OSBPL10: variants seen among roughly 807,000 people sequenced by gnomAD.
The protein encoded by OSBPL10 is oxysterol binding protein like 10.
In OSBPL10, 49 loss-of-function variants were observed where a neutral mutation model predicts 81.7. The observed-to-expected ratio is 0.60, with a 90% CI of 0.48 to 0.76. OSBPL10 has a LOEUF of 0.76. Ranked by LOEUF, OSBPL10 falls within the 30% of genes least tolerant of loss-of-function variation. The probability of loss-of-function intolerance (pLI) is 0.00; values close to 1 mark genes in which losing one functional copy is unlikely to be tolerated. For missense variants in OSBPL10, 923 were observed against 987.8 expected, an observed-to-expected ratio of 0.93 and a Z score of 0.88; for synonymous variants, 419 against 383.6, an observed-to-expected ratio of 1.09 and a Z score of -1.08.
At chr3:31,926,657 CCTGAA>C (rs1356623975) in intron 1 of OSBPL10, among the ~76,000 whole-genome samples, 3 of 152,280 alleles carry the variant, frequency 2.0e-5, no homozygotes, top group African/African-American at 7.2e-5. Flanking sequence ...GCTGTGGACG[CCTGAA>C]CTGGTCTGAA....
In OSBPL10 at chr3:31,879,787, C is replaced by A; in HGVS notation, c.325G>T (p.Val109Leu). The A allele has an allele frequency of 6.2e-7, 1 of 1,614,144 alleles. No individual in the cohort carries two copies. Among genetic ancestry groups the A allele is most frequent in the Admixed American group, 1.7e-5 (1 of 59,998 alleles). The change falls in exon 2 of 12, where the codon GTG (valine) becomes TTG (leucine). Residue 109 changes from valine (V) to leucine (L), a missense_variant. Coordinates refer to ENST00000396556, the MANE Select transcript of OSBPL10 (RefSeq NM_017784.5). ...TTCTGGTGTTTGCTTTGCTCATTCA[C>A]AAAATACTGCAGGATGCCAGCCTCG... The part of the protein sequence containing the change: ...DFEAGILQYF[V>L]NEQSKHQKPR...
intron 4 of OSBPL10, among the ~76,000 whole-genome samples, chr3:31,805,203 C>G (rs932272515): frequency 3.9e-5 from 6 of 152,094 alleles, no homozygotes; most frequent in Non-Finnish European, 5.9e-5. Flanking sequence ...TTGAGATGAA[C>G]CTTTAAAACA....
intron 8 of OSBPL10, among the ~76,000 whole-genome samples, chr3:31,671,635 A>G (rs1700326018): frequency 2.0e-5 from 3 of 151,586 alleles, no homozygotes; most frequent in South Asian, 4.1e-4. Flanking sequence ...TAGGAAAGAC[A>G]TCTGCCAAGA....
At chr3:32,074,357 C>A (rs1268041821) in intron 1 of OSBPL10, among the ~76,000 whole-genome samples, 1 of 152,170 alleles carries the variant, frequency 6.6e-6, no homozygotes, top group Non-Finnish European at 1.5e-5. Flanking sequence ...CTCCTTTATG[C>A]ATCTCTCGAC....
intron 1 of OSBPL10, among the ~76,000 whole-genome samples, chr3:31,888,751 T>C (rs1017295442): frequency 1.3e-5 from 2 of 151,988 alleles, no homozygotes; most frequent in East Asian, 3.9e-4. Flanking sequence ...TGAAACCCCA[T>C]CTCTACTAAA....
intron 1 of OSBPL10, among the ~76,000 whole-genome samples, chr3:31,936,852 A>G (rs1559524776): frequency 2.0e-5 from 3 of 152,216 alleles, no homozygotes; most frequent in Non-Finnish European, 4.4e-5. Context: ...ACCAGACATG[A>G]CTTATCACAC....
chr3:31,986,280 A>G (rs2125515638), upstream of OSBPL10: 1 of 152,362 alleles, frequency 6.6e-6, no homozygotes, highest in South Asian at 2.1e-4. Flanking sequence ...CAGAAACTCA[A>G]AGAGGAGGAG....
chr3:31,904,898 C>A (rs1218141055), intron 1 of OSBPL10, among the ~76,000 whole-genome samples: 1 of 152,124 alleles, frequency 6.6e-6, no homozygotes, highest in Non-Finnish European at 1.5e-5. Context: ...AGTTATGAGG[C>A]AGAGCTGAGG....
intron 1 of OSBPL10, among the ~76,000 whole-genome samples, chr3:31,885,573 G>A (rs1175114521): frequency 1.3e-5 from 2 of 152,068 alleles, no homozygotes; most frequent in Non-Finnish European, 2.9e-5. Context: ...GTTTCATTAA[G>A]GTTCAACTTT....
chr3:31,740,674 G>A (rs1299693754), intron 5 of OSBPL10, among the ~76,000 whole-genome samples: 1 of 151,884 alleles, frequency 6.6e-6, no homozygotes, highest in Non-Finnish European at 1.5e-5. Flanking sequence ...GACTGAGGCA[G>A]GAGGATTGGT....
At position 31,932,780 on chromosome 3, in the gene OSBPL10, T is replaced by G. The variant is rs150581278; in HGVS notation, c.281+48119A>C. ...TGAAAACAATGAAGTATGTCAATAT[T>G]TTAATAGTTGTAACATTTTATCCAT... is the stretch of plus-strand genomic sequence containing the variant. On this transcript the variant is annotated intron_variant, in intron 1 of 11. Coordinates refer to ENST00000396556, the MANE Select transcript of OSBPL10 (RefSeq NM_017784.5). 3.4e-3 allele frequency among the ~76,000 whole-genome samples: 515 copies of G among 152,192 alleles called. 2 individuals carry two copies. Among genetic ancestry groups the G allele is most frequent in the Middle Eastern group, 0.02 (6 of 294 alleles).
At chr3:31,777,012 C>T (rs745601058) in intron 4 of OSBPL10, among the ~76,000 whole-genome samples, 2 of 152,134 alleles carry the variant, frequency 1.3e-5, no homozygotes, top group African/African-American at 4.8e-5. Context: ...ATTCTTTACC[C>T]ATCTCAAGAT....
chr3:31,661,852 G>T lies in OSBPL10; in HGVS notation c.*220C>A, dbSNP rs768585415. On this transcript the variant is annotated 3_prime_UTR_variant, in exon 12 of 12. Transcript: ENST00000396556. ...ATAGTGCATGTGTGTGAACGTATACGGTGTGTACACACACGTGCCCCGAAT... is the reference window on the plus strand; with the variant it reads ...ATAGTGCATGTGTGTGAACGTATACTGTGTGTACACACACGTGCCCCGAAT... 3.9e-4 allele frequency: 205 copies of T among 531,248 alleles called. No homozygotes were observed. Among genetic ancestry groups the T allele is most frequent in the Non-Finnish European group, 5.7e-4 (176 of 309,754 alleles). The allele number at this position is 531,248 out of a possible 1,614,324, so 32.9% of individuals were successfully genotyped here. A position where few individuals can be genotyped will look rare whatever the true frequency, so the allele number is the denominator to read the frequency against.
At position 31,698,693 on chromosome 3, in the gene OSBPL10, AC is replaced by A. The variant is rs958270298; in HGVS notation, c.1245+3665del. Among the ~76,000 whole-genome samples the A allele has an allele frequency of 4.6e-5, 7 of 151,812 alleles. 2 individuals are homozygous for A. The highest frequency in any genetic ancestry group is 2.0e-4 in the Admixed American group (3 of 15,244). ...ACAAGGTCCATCTTGGGCCTTTTTC[AC>A]CCCCATCCCCTCCGGCCAGAACACT... On this transcript the variant is annotated intron_variant, in intron 7 of 11. Transcript: ENST00000396556.
intron 8 of OSBPL10, among the ~76,000 whole-genome samples, chr3:31,671,689 G>A (rs1700326870): frequency 6.6e-6 from 1 of 152,182 alleles, no homozygotes; most frequent in Admixed American, 6.5e-5. Context: ...TCCAGAGAAA[G>A]GGTTCTCCAA....
chr3:31,903,317 T>C (rs748833709), intron 1 of OSBPL10, among the ~76,000 whole-genome samples: 27 of 141,540 alleles, frequency 1.9e-4, no homozygotes, highest in Non-Finnish European at 3.6e-4. Context: ...CCTTGTTTTG[T>C]TTTGCTTTTT....
chr3:32,048,378 G>A (rs13321871), intron 1 of OSBPL10, among the ~76,000 whole-genome samples: 4,000 of 147,068 alleles, frequency 0.027, 175 homozygotes, highest in African/African-American at 0.093. Flanking sequence ...CACGATCTCC[G>A]CTCACTGCAA....
intron 1 of OSBPL10, among the ~76,000 whole-genome samples, chr3:31,965,660 TTATA>T (rs1283553560): frequency 7.9e-5 from 1 of 12,640 alleles, no homozygotes; most frequent in African/African-American, 2.3e-4. Context: ...ATATTATATA[TTATA>T]TATTTTATAT....
chr3:32,005,910 G>A (rs1699201591), intron 2 of OSBPL10, among the ~76,000 whole-genome samples: 1 of 151,554 alleles, frequency 6.6e-6, no homozygotes, highest in Non-Finnish European at 1.5e-5. Context: ...TTTAAGTGGT[G>A]TCTTGTTTTA....
Sources: allele counts gnomAD v4.1 joint callset (sites outside exome capture counted in the v4.1 genomes callset), GRCh38; gene constraint gnomAD v4.1.1; transcripts MANE v1.5; gene names NCBI Gene and HGNC (gene_info 2026-07-23, HGNC 2026-07-21).